Variants in FAM83G observed in about 807,000 individuals in gnomAD.
FAM83G encodes the protein scaffolding CK1 anchoring protein G, also known as protein FAM83G.
Under a neutral mutation model 61.5 loss-of-function variants are expected in FAM83G, and 38 were observed. The ratio of observed to expected loss-of-function variants is 0.62; its 90% confidence interval spans 0.48 to 0.81. The LOEUF (loss-of-function observed/expected upper bound fraction) is 0.81. Ranked by LOEUF, FAM83G falls within the 30% of genes least tolerant of loss-of-function variation. The pLI is 0.00. For synonymous variants in FAM83G, 470 were observed against 476.1 expected, an observed-to-expected ratio of 0.99 and a Z score of 0.17; for missense variants, 989 against 1,133.6, an observed-to-expected ratio of 0.87 and a Z score of 1.83.
In FAM83G at chr17:19,003,578, A is replaced by AT; in HGVS notation, c.463dup (p.Ile155AsnfsTer55). The AT allele has an allele frequency of 6.3e-7, 1 of 1,596,406 alleles. No individual in the cohort carries two copies. Among genetic ancestry groups the AT allele is most frequent in the Non-Finnish European group, 8.5e-7 (1 of 1,171,250 alleles). On this transcript the variant is annotated frameshift_variant, in exon 2 of 6. Coordinates refer to ENST00000388995, the MANE Select transcript of FAM83G (RefSeq NM_001039999.3). LOFTEE classifies it high-confidence loss of function. The surrounding 1 kb of genome is among the most constrained non-coding windows in gnomAD (Gnocchi z 4.5). ...CTCTTTGATGTGGGCCTGCCCGTCT[A>AT]TGGGGGGCTGCATGTAGACGCTAGC...
intron 5 of FAM83G, among the ~76,000 whole-genome samples, chr17:18,973,951 G>A (rs561656996): frequency 1.4e-5 from 2 of 143,886 alleles, no homozygotes; most frequent in African/African-American, 2.6e-5. Flanking sequence ...GGAGTGCAGT[G>A]GTGTGATCTC....
intron 3 of FAM83G, among the ~76,000 whole-genome samples, chr17:18,982,544 T>G (rs2043164936): frequency 6.6e-6 from 1 of 152,160 alleles, no homozygotes; most frequent in African/African-American, 2.4e-5. Context: ...GGACCTCAGT[T>G]TCCTCATAAG....
At chr17:18,982,788 T>C (rs1425354990) in intron 3 of FAM83G, among the ~76,000 whole-genome samples, 1 of 151,954 alleles carries the variant, frequency 6.6e-6, no homozygotes, top group Non-Finnish European at 1.5e-5. Context: ...GCCCCTGGAG[T>C]GGGTCTAGGG....
Position 19,003,743 on chromosome 17 carries a change from T to A in FAM83G, c.299A>T (p.Glu100Val). The A allele has an allele frequency of 6.2e-7, 1 of 1,605,164 alleles. No individual in the cohort carries two copies. Among genetic ancestry groups the A allele is most frequent in the Non-Finnish European group, 8.5e-7 (1 of 1,175,818 alleles). The change falls in exon 2 of 6, where the codon GAA becomes GTA. Residue 100 changes from glutamate (E) to valine (V), a missense_variant. This residue lies in a region of FAM83G where 371 missense variants were observed against 404.5 expected (regional missense o/e 0.92). Transcript: ENST00000388995. This position sits in a 1 kb window ranked among gnomAD's most constrained non-coding sequence, Gnocchi z 4.5. Reference sequence around the variant, plus strand: ...GGGGACCCCATCCGCCCCGCTGGCTTCCTCGCCGTCGCCGACCCCATTGTC... The same window carrying A: ...GGGGACCCCATCCGCCCCGCTGGCTACCTCGCCGTCGCCGACCCCATTGTC... ...PEDNGVGDGEEASGADGVPIE... is the reference protein window; with the variant it reads ...PEDNGVGDGEVASGADGVPIE...
upstream of FAM83G, among the ~76,000 whole-genome samples, chr17:19,005,119 G>C (rs2043847700): frequency 6.6e-6 from 1 of 152,100 alleles, no homozygotes. Flanking sequence ...CCGTGCGGCT[G>C]TATAGATACC....
At chr17:19,002,053 C>G (rs1265615807) in intron 2 of FAM83G, among the ~76,000 whole-genome samples, 2 of 152,208 alleles carry the variant, frequency 1.3e-5, no homozygotes, top group African/African-American at 2.4e-5. Flanking sequence ...AGCACTTCCT[C>G]CACACCACAG....
chr17:18,993,793 C>A (rs113592762), intron 2 of FAM83G, among the ~76,000 whole-genome samples: 3 of 152,226 alleles, frequency 2.0e-5, no homozygotes, highest in Admixed American at 2.0e-4. Flanking sequence ...CCGCTGGCTC[C>A]GATCTCAGCT....
rs939895398 is a variant in FAM83G at position 18,971,930 on chromosome 17, TAATATGGG to T, written c.2083-190_2083-183del. Among the ~76,000 whole-genome samples, 28 of 152,288 alleles carry T rather than the reference TAATATGGG, an allele frequency of 1.8e-4. No homozygotes were observed. The highest frequency in any genetic ancestry group is 6.7e-4 in the African/African-American group (28 of 41,562). ...CTCGATGCCTCAGTTCCCCTGTCTG[TAATATGGG>T]AATAATCCTGCCCTTTGTGGGTGTA... is the stretch of plus-strand genomic sequence containing the variant. On this transcript the variant is annotated intron_variant, in intron 5 of 5. Transcript: ENST00000388995. The surrounding 1 kb of genome is among the most constrained non-coding windows in gnomAD (Gnocchi z 5.5).
intron 3 of FAM83G, among the ~76,000 whole-genome samples, chr17:18,979,981 C>T (rs940454313): frequency 6.6e-6 from 1 of 152,168 alleles, no homozygotes; most frequent in South Asian, 2.1e-4. Context: ...AAGGCTTACA[C>T]AGCCAGCCAG....
chr17:18,995,586 G>T (rs886517422), intron 2 of FAM83G, among the ~76,000 whole-genome samples: 3 of 152,130 alleles, frequency 2.0e-5, no homozygotes, highest in African/African-American at 4.8e-5. Flanking sequence ...GAAAAAAATG[G>T]CCAAAACACT....
chr17:18,969,398 G>A lies in FAM83G; in HGVS notation c.*1961C>T, dbSNP rs943079145. On this transcript the variant is annotated 3_prime_UTR_variant, in exon 6 of 6. Coordinates refer to ENST00000388995, the MANE Select transcript of FAM83G (RefSeq NM_001039999.3). ...CCTGCAGACGCTCATCATGGTGGTG[G>A]GGGCTGTCATCCTGACAATCAAAGG... 1.9e-6 allele frequency: 3 copies of A among 1,613,726 alleles called. No individual in the cohort carries two copies. The highest frequency in any genetic ancestry group is 2.5e-6 in the Non-Finnish European group (3 of 1,180,020).
At chr17:19,005,921 C>G (rs976865228), upstream of FAM83G, among the ~76,000 whole-genome samples, 2 of 152,232 alleles carry the variant, frequency 1.3e-5, no homozygotes, top group African/African-American at 4.8e-5. Context: ...CGGGGGAGCC[C>G]TGCCTTGAGG....
chr17:18,981,463 G>C (rs2043131073), intron 3 of FAM83G, among the ~76,000 whole-genome samples: 1 of 152,180 alleles, frequency 6.6e-6, no homozygotes. Context: ...ATGGGGTTGG[G>C]TGTGTATCTC....
At chr17:18,974,712 G>C (rs1337209125) in intron 5 of FAM83G, among the ~76,000 whole-genome samples, 2 of 152,250 alleles carry the variant, frequency 1.3e-5, no homozygotes, top group African/African-American at 4.8e-5. Context: ...TGAGGAGCCA[G>C]GGACAGGCTT....
Position 18,978,605 on chromosome 17 carries a change from G to A in FAM83G, c.1061C>T (p.Ala354Val), listed in dbSNP as rs371196107. The change falls in exon 5 of 6, where the codon GCC becomes GTC. Residue 354 changes from alanine (A) to valine (V), a missense_variant. Coordinates refer to ENST00000388995, the MANE Select transcript of FAM83G (RefSeq NM_001039999.3). ...CTTGGCAATCTCGTCGACGCTCTTG[G>A]CCTTGACAAGTGCGTACTTGGGGTT... is the stretch of plus-strand genomic sequence containing the variant. ...LVNPKYALVK[A>V]KSVDEIAKIS... 18 of 1,613,050 alleles carry A rather than the reference G, an allele frequency of 1.1e-5. No individual in the cohort carries two copies. The highest frequency in any genetic ancestry group is 1.4e-5 in the Non-Finnish European group (17 of 1,180,004).
rs1468537535 is a variant in FAM83G, at chr17:18,978,185, G to A, written c.1481C>T (p.Pro494Leu). 1 of 1,548,594 alleles carries A rather than the reference G, an allele frequency of 6.5e-7. No homozygotes were observed. The highest frequency in any genetic ancestry group is 1.8e-5 in the Admixed American group (1 of 54,332). Residue 494 changes from proline to leucine, a missense_variant, in exon 5 of 6, where the codon CCC (proline) becomes CTC (leucine). Pro to Leu is a moderately conservative substitution (Grantham distance 98). Transcript: ENST00000388995. ...QDGVPAENGL[P>L]QGDPEPLPPV... The stretch of plus-strand genomic sequence containing the variant: ...GGGCAATGGCTCAGGGTCCCCCTGG[G>A]GGAGGCCGTTCTCAGCTGGGACACC...
At chr17:18,973,368 T>C (rs1259942744) in intron 5 of FAM83G, among the ~76,000 whole-genome samples, 1 of 152,210 alleles carries the variant, frequency 6.6e-6, no homozygotes, top group Non-Finnish European at 1.5e-5. Context: ...CCAGAGAGGA[T>C]CACACAGGGA....
Position 18,978,179 on chromosome 17 carries a change from C to G in FAM83G, c.1487G>C (p.Gly496Ala), listed in dbSNP as rs2043033591. 1.9e-6 allele frequency: 3 copies of G among 1,546,888 alleles called. No homozygotes were observed. The highest frequency in any genetic ancestry group is 2.6e-6 in the Non-Finnish European group (3 of 1,148,672). The change falls in exon 5 of 6, where the codon GGG becomes GCG. Residue 496 changes from glycine (G) to alanine (A), a missense_variant. Coordinates refer to ENST00000388995, the MANE Select transcript of FAM83G (RefSeq NM_001039999.3). ...CACGGGGGGCAATGGCTCAGGGTCC[C>G]CCTGGGGGAGGCCGTTCTCAGCTGG... Reference protein sequence around the residue: ...GVPAENGLPQGDPEPLPPVPK... With the variant: ...GVPAENGLPQADPEPLPPVPK...
rs1382346869 is a variant in FAM83G, at chr17:19,004,319, G to A, written c.-128-150C>T. 5 of 419,992 alleles carry A rather than the reference G, an allele frequency of 1.2e-5. No homozygotes were observed. In the East Asian group the frequency reaches 2.4e-4, roughly 20 times the overall value. 26.0% of individuals were successfully genotyped at this position (419,992 alleles called of 1,614,324 possible). ...AGATGAGGTGGGGGCACTGGACTGG[G>A]ATGGGAAGAAAGTAAGGGATCGGAA... On this transcript the variant is annotated intron_variant, in intron 1 of 5. Transcript: ENST00000388995. This position sits in a 1 kb window ranked among gnomAD's most constrained non-coding sequence, Gnocchi z 5.4.
Sources: allele counts gnomAD v4.1 joint callset (sites outside exome capture counted in the v4.1 genomes callset), GRCh38; gene constraint gnomAD v4.1.1; regional missense constraint gnomAD v4.1.1; non-coding constraint Gnocchi (gnomAD v3.1); transcripts MANE v1.5; gene names NCBI Gene and HGNC (gene_info 2026-07-23, HGNC 2026-07-21).